Variants in IFT88 observed in about 807,000 individuals in gnomAD.
IFT88 encodes intraflagellar transport 88.
A neutral mutation model predicts 119.5 loss-of-function variants in IFT88; 74 were observed. The observed-to-expected ratio is 0.62, with a 90% CI of 0.51 to 0.75. The LOEUF is 0.75. Among genes scored for constraint, IFT88 ranks in the 30% least tolerant of loss-of-function variants. The probability of loss-of-function intolerance (pLI) is 0.00; values close to 1 mark genes in which losing one functional copy is unlikely to be tolerated. For synonymous variants in IFT88, 279 were observed against 316.7 expected (o/e 0.88, Z 1.26); for missense variants, 961 against 977.7 (o/e 0.98, Z 0.23).
chr13:20,635,538 C>T (rs372791173), intron 16 of IFT88, among the ~76,000 whole-genome samples: 52 of 152,284 alleles, frequency 3.4e-4, no homozygotes, highest in African/African-American at 1.2e-3. Flanking sequence ...TCGGAGTGGC[C>T]CCCTAATTCT....
intron 2 of IFT88, among the ~76,000 whole-genome samples, chr13:20,580,477 A>G (rs187694598): frequency 1.3e-5 from 2 of 151,956 alleles, no homozygotes; most frequent in African/African-American, 2.4e-5. Context: ...AGATCACGCC[A>G]TTGCACAATG....
At chr13:20,608,747 G>A (rs2043950132) in intron 13 of IFT88, among the ~76,000 whole-genome samples, 1 of 152,172 alleles carries the variant, frequency 6.6e-6, no homozygotes, top group African/African-American at 2.4e-5. Context: ...CCCCTTAATA[G>A]TTTGAAGTTC....
At position 20,652,101 on chromosome 13, in the gene IFT88, A is replaced by T. The variant is rs570582210; in HGVS notation, c.1950-1775A>T. Among the ~76,000 whole-genome samples the T allele has an allele frequency of 6.6e-4, 101 of 152,230 alleles. 1 individual carries two copies. Among genetic ancestry groups the T allele is most frequent in the African/African-American group, 2.4e-3 (98 of 41,538 alleles). On this transcript the variant is annotated intron_variant, in intron 20 of 25. Transcript: ENST00000351808. ...AAGAGTTACTGTTTAATGGTTGCAG[A>T]GTGTTTCTGTTTGGTGTCATAAAAT...
chr13:20,588,861 T>A (rs773139695), intron 3 of IFT88, among the ~76,000 whole-genome samples: 2 of 152,190 alleles, frequency 1.3e-5, no homozygotes, highest in Non-Finnish European at 2.9e-5. Flanking sequence ...TAGTATACTA[T>A]TATTTACCTT....
rs535623156 is a variant in IFT88 at position 20,637,267 on chromosome 13, G to A, written c.1387-1065G>A. On this transcript the variant is annotated intron_variant, in intron 16 of 25. Transcript: ENST00000351808. Reference sequence around the variant, plus strand: ...AGAATTCTACATTTTAAAGGGGTCAGGTTTATTATATATAAGTTATATCTA... The same window carrying A: ...AGAATTCTACATTTTAAAGGGGTCAAGTTTATTATATATAAGTTATATCTA... 4.6e-4 allele frequency among the ~76,000 whole-genome samples: 70 copies of A among 152,240 alleles called. 1 individual carries two copies. The highest frequency in any genetic ancestry group is 1.5e-3 in the African/African-American group (64 of 41,530).
chr13:20,609,704 A>G lies in IFT88; in HGVS notation c.1112+4599A>G, dbSNP rs145347215. ...GGTTGCAGTGAGCCGAGATCATGCC[A>G]CTACACTTCAGCCTGGCCAATAGAG... On this transcript the variant is annotated intron_variant, in intron 13 of 25. Coordinates refer to ENST00000351808, the MANE Select transcript of IFT88 (RefSeq NM_006531.5). 1.4e-3 allele frequency among the ~76,000 whole-genome samples: 211 copies of G among 152,302 alleles called. 5 individuals carry two copies. The East Asian group carries it at 0.038, about 28-fold the overall frequency.
intron 24 of IFT88, among the ~76,000 whole-genome samples, chr13:20,686,035 G>T (rs2057881318): frequency 6.8e-6 from 1 of 146,532 alleles, no homozygotes; most frequent in Non-Finnish European, 1.5e-5. Context: ...GTTGAATTAT[G>T]TTCTTCACAG....
At chr13:20,634,024 A>G (rs190960040) in intron 16 of IFT88, among the ~76,000 whole-genome samples, 68 of 152,188 alleles carry the variant, frequency 4.5e-4, no homozygotes, top group Admixed American at 1.5e-3. Flanking sequence ...GGATGTTCCA[A>G]ATTCCTACCT....
intron 23 of IFT88, among the ~76,000 whole-genome samples, chr13:20,665,725 G>T (rs1035938576): frequency 6.6e-6 from 1 of 152,216 alleles, no homozygotes; most frequent in Non-Finnish European, 1.5e-5. Flanking sequence ...ATTATGATCT[G>T]CCGTGCATAT....
At chr13:20,690,853 G>T (rs760901094) in intron 25 of IFT88, 38 bp downstream of exon 25, 2 of 1,492,488 alleles carry the variant, frequency 1.3e-6, no homozygotes, top group South Asian at 2.3e-5. Context: ...GGCATAGCAG[G>T]TCTGAAGAAG....
intron 20 of IFT88, among the ~76,000 whole-genome samples, chr13:20,648,131 T>A (rs1158889108): frequency 6.6e-6 from 1 of 152,180 alleles, no homozygotes; most frequent in African/African-American, 2.4e-5. Context: ...GCGTGATGGC[T>A]TATACCTGTA....
intron 1 of IFT88, among the ~76,000 whole-genome samples, chr13:20,568,971 C>T (rs962400904): frequency 2.0e-5 from 3 of 152,070 alleles, no homozygotes; most frequent in African/African-American, 7.2e-5. Context: ...CCGCCCGCCT[C>T]GGCCTCCCAG....
chr13:20,579,555 C>G (rs2038133006), intron 2 of IFT88, among the ~76,000 whole-genome samples: 1 of 152,102 alleles, frequency 6.6e-6, no homozygotes, highest in African/African-American at 2.4e-5. Context: ...AGTGGGTGTC[C>G]CTCTGGCTCA....
At chr13:20,646,839 G>C (rs976447696) in intron 20 of IFT88, among the ~76,000 whole-genome samples, 1 of 145,702 alleles carries the variant, frequency 6.9e-6, no homozygotes, top group Non-Finnish European at 1.5e-5. Context: ...TCCCTTTCTT[G>C]CTAACATTCC....
At chr13:20,593,223 A>G (rs1049719612) in intron 7 of IFT88, among the ~76,000 whole-genome samples, 1 of 152,226 alleles carries the variant, frequency 6.6e-6, no homozygotes, top group Admixed American at 6.5e-5. Context: ...GCTGGTATCC[A>G]AGTACCTTGA....
At chr13:20,684,439 G>A (rs1420680742) in intron 24 of IFT88, among the ~76,000 whole-genome samples, 1 of 152,070 alleles carries the variant, frequency 6.6e-6, no homozygotes, top group Non-Finnish European at 1.5e-5. Context: ...TAGTTACTTC[G>A]TTACACTCTC....
chr13:20,572,158 C>T (rs544184557), intron 1 of IFT88, among the ~76,000 whole-genome samples: 1 of 152,102 alleles, frequency 6.6e-6, no homozygotes, highest in East Asian at 1.9e-4. Context: ...CACCATTAAC[C>T]TTTTTCTATA....
intron 9 of IFT88, among the ~76,000 whole-genome samples, chr13:20,598,381 T>A (rs2042093410): frequency 6.6e-6 from 1 of 152,172 alleles, no homozygotes; most frequent in Admixed American, 6.5e-5. Context: ...TTATTCTTTG[T>A]AGGTCCTCCA....
chr13:20,611,665 C>A (rs952496749), intron 13 of IFT88, among the ~76,000 whole-genome samples: 1 of 151,872 alleles, frequency 6.6e-6, no homozygotes, highest in Non-Finnish European at 1.5e-5. Context: ...AGTGCAATGG[C>A]ACAATCTCAG....
Sources: allele counts gnomAD v4.1 joint callset (sites outside exome capture counted in the v4.1 genomes callset), GRCh38; gene constraint gnomAD v4.1.1; transcripts MANE v1.5; gene names NCBI Gene and HGNC (gene_info 2026-07-23, HGNC 2026-07-21).